Variants in NRXN1 observed in about 807,000 individuals in gnomAD.
NRXN1 encodes the protein neurexin-1.
NRXN1 carries 39 observed loss-of-function variants against 150.9 expected under a neutral mutation model. The observed-to-expected ratio is 0.26, with a 90% CI of 0.20 to 0.34. The LOEUF is 0.34. Ranked by LOEUF, NRXN1 falls within the 10% of genes least tolerant of loss-of-function variation. The pLI is 1.00. For synonymous variants in NRXN1, 924 were observed against 757.0 expected (o/e 1.22, Z -3.62); for missense variants, 1,815 against 1,949.9 (o/e 0.93, Z 1.30).
intron 21 of NRXN1, among the ~76,000 whole-genome samples, chr2:49,969,290 A>G (rs1677525665): frequency 1.3e-5 from 2 of 152,104 alleles, no homozygotes; most frequent in Non-Finnish European, 2.9e-5. Flanking sequence ...TGCATGGTAT[A>G]TAATTAAAAC....
chr2:50,858,708 C>T (rs1056255618), intron 5 of NRXN1, among the ~76,000 whole-genome samples: 1 of 152,078 alleles, frequency 6.6e-6, no homozygotes, highest in Non-Finnish European at 1.5e-5. Context: ...ATTTAAACAT[C>T]TGAAAATTTT....
chr2:50,690,613 A>G (rs1691931948), intron 5 of NRXN1, among the ~76,000 whole-genome samples: 1 of 152,214 alleles, frequency 6.6e-6, no homozygotes, highest in Non-Finnish European at 1.5e-5. Context: ...AGTGAACTGC[A>G]ATGTGTCTCT....
At chr2:50,240,721 T>C (rs1167362261) in intron 17 of NRXN1, among the ~76,000 whole-genome samples, 1 of 151,640 alleles carries the variant, frequency 6.6e-6, no homozygotes, top group Non-Finnish European at 1.5e-5. Flanking sequence ...ATTTATTCTG[T>C]ATTGGGATTC....
chr2:50,324,699 G>T (rs141234282), intron 17 of NRXN1, among the ~76,000 whole-genome samples: 1 of 152,242 alleles, frequency 6.6e-6, no homozygotes, highest in African/African-American at 2.4e-5. Flanking sequence ...CCGCCATCGC[G>T]CCCGGCTAAG....
chr2:49,961,573 A>G (rs1018999961), intron 21 of NRXN1, among the ~76,000 whole-genome samples: 1 of 152,174 alleles, frequency 6.6e-6, no homozygotes, highest in African/African-American at 2.4e-5. Flanking sequence ...CCTAACAAGA[A>G]TCTGCATTGA....
intron 5 of NRXN1, among the ~76,000 whole-genome samples, chr2:50,895,443 GTAACA>G: frequency 6.6e-6 from 1 of 152,136 alleles, no homozygotes. Flanking sequence ...TTTCTCTTCC[GTAACA>G]TAAAGAGGCT....
At chr2:49,954,504 T>C (rs1674578949) in intron 21 of NRXN1, among the ~76,000 whole-genome samples, 2 of 152,062 alleles carry the variant, frequency 1.3e-5, no homozygotes, top group African/African-American at 4.8e-5. Context: ...AACTACAGCA[T>C]ATAAATGAAC....
At chr2:49,989,519 A>G (rs1426454005) in intron 21 of NRXN1, among the ~76,000 whole-genome samples, 3 of 152,174 alleles carry the variant, frequency 2.0e-5, no homozygotes, top group Non-Finnish European at 4.4e-5. Flanking sequence ...TGAACAAGTG[A>G]GTTTATTAAT....
chr2:50,187,115 A>G (rs2061127699), intron 18 of NRXN1, among the ~76,000 whole-genome samples: 2 of 152,080 alleles, frequency 1.3e-5, no homozygotes, highest in South Asian at 4.1e-4. Context: ...AATCAGACAA[A>G]CAAACCAATA....
intron 5 of NRXN1, among the ~76,000 whole-genome samples, chr2:50,686,601 C>T (rs1691266552): frequency 6.6e-6 from 1 of 152,186 alleles, no homozygotes; most frequent in African/African-American, 2.4e-5. Flanking sequence ...CATAAGACCA[C>T]ATTAAAACTA....
chr2:50,447,766 TATATATATATATAC>T (rs1378537875), intron 17 of NRXN1, among the ~76,000 whole-genome samples: 5 of 92,902 alleles, frequency 5.4e-5, no homozygotes, highest in Non-Finnish European at 1.1e-4. Flanking sequence ...TATATATATA[TATATATATATATAC>T]CTAATTCCCT....
Position 51,022,141 on chromosome 2 carries a change from C to A in NRXN1, c.772+5361G>T, listed in dbSNP as rs188118998. On this transcript the variant is annotated intron_variant, in intron 2 of 22. Coordinates refer to ENST00000401669, the MANE Select transcript of NRXN1 (RefSeq NM_001330078.2). ...ATTTAAATTTTGCTTGAAAGTACCC[C>A]TAAAGAAAATAGTGTCGGTGGAAAT... is the stretch of plus-strand genomic sequence containing the variant. 3.2e-3 allele frequency among the ~76,000 whole-genome samples: 485 copies of A among 152,024 alleles called. 2 individuals are homozygous for A. The highest frequency in any genetic ancestry group is 6.0e-3 in the Admixed American group (91 of 15,266).
chr2:50,506,644 T>C (rs201248944), intron 12 of NRXN1, 27 bp from the exon 13 acceptor site: 8 of 1,610,300 alleles, frequency 5.0e-6, no homozygotes, highest in East Asian at 4.5e-5. Flanking sequence ...ACAGTCATTA[T>C]GGACACTCAG....
intron 2 of NRXN1, among the ~76,000 whole-genome samples, chr2:50,942,166 G>A (rs1287968799): frequency 1.3e-5 from 2 of 152,206 alleles, no homozygotes; most frequent in African/African-American, 4.8e-5. Context: ...GCCTGCAGGT[G>A]CATAGAAGAC....
intron 17 of NRXN1, among the ~76,000 whole-genome samples, chr2:50,411,943 A>G (rs1297857363): frequency 2.0e-5 from 3 of 152,220 alleles, no homozygotes; most frequent in African/African-American, 7.2e-5. Flanking sequence ...AAGTAGACAT[A>G]GGAGACTCCA....
At position 50,574,465 on chromosome 2, in the gene NRXN1, A is replaced by G. The variant is rs531442309; in HGVS notation, c.1321-21440T>C. ...GGTTCAGCATATCTCTAATAAAAAA[A>G]TCATCTCCCAAGGCTCCTTTCCTAT... On this transcript the variant is annotated intron_variant, in intron 8 of 22. Transcript: ENST00000401669. 2.0e-5 allele frequency among the ~76,000 whole-genome samples: 3 copies of G among 152,302 alleles called. No individual in the cohort carries two copies. In the South Asian group the frequency reaches 6.2e-4, roughly 32 times the overall value.
At chr2:50,153,413 A>G (rs2058814518) in intron 18 of NRXN1, among the ~76,000 whole-genome samples, 1 of 151,052 alleles carries the variant, frequency 6.6e-6, no homozygotes. Context: ...TTGTTGAAAA[A>G]TGGACATTTG....
chr2:50,229,199 G>A (rs547423854), intron 18 of NRXN1, among the ~76,000 whole-genome samples: 1 of 152,034 alleles, frequency 6.6e-6, no homozygotes, highest in South Asian at 2.1e-4. Flanking sequence ...GCATTAATAG[G>A]ATTCTAATGC....
chr2:50,325,801 TTA>T (rs1346369341), intron 17 of NRXN1, among the ~76,000 whole-genome samples: 8 of 152,358 alleles, frequency 5.3e-5, no homozygotes, highest in Non-Finnish European at 7.3e-5. Context: ...CAGTAATATT[TTA>T]TATGTTTGTA....
Sources: allele counts gnomAD v4.1 joint callset (sites outside exome capture counted in the v4.1 genomes callset), GRCh38; gene constraint gnomAD v4.1.1; transcripts MANE v1.5; gene names NCBI Gene and HGNC (gene_info 2026-07-23, HGNC 2026-07-21).